Variants in FAM168A observed in about 807,000 individuals in gnomAD.
The protein encoded by FAM168A is protein FAM168A.
In FAM168A, 3 loss-of-function variants were observed where a neutral mutation model predicts 28.5. The ratio of observed to expected loss-of-function variants is 0.11; its 90% CI spans 0.05 to 0.27. The LOEUF is 0.27. Ranked by LOEUF, FAM168A falls within the 10% of genes least tolerant of loss-of-function variation. The pLI is 1.00. For synonymous variants in FAM168A, 122 were observed against 124.2 expected (o/e 0.98, Z 0.12); for missense variants, 222 against 311.5 (o/e 0.71, Z 2.16).
intron 4 of FAM168A, among the ~76,000 whole-genome samples, chr11:73,417,349 G>A (rs1040721666): frequency 6.6e-6 from 1 of 152,182 alleles, no homozygotes; most frequent in African/African-American, 2.4e-5. Flanking sequence ...AGGTTACACA[G>A]AACCCAGTCT....
chr11:73,406,011 G>A lies in FAM168A; in HGVS notation c.*752C>T, dbSNP rs1302988006. On this transcript the variant is annotated 3_prime_UTR_variant, in exon 8 of 8. Coordinates refer to ENST00000356467, the MANE Select transcript of FAM168A (RefSeq NM_015159.3). Reference sequence around the variant, plus strand: ...GTTAACATCACTGTGCAAATCAGAAGGTCCAGGGCCAGATGCTTTGGCCAG... The same window carrying A: ...GTTAACATCACTGTGCAAATCAGAAAGTCCAGGGCCAGATGCTTTGGCCAG... The A allele has an allele frequency of 1.3e-5, 2 of 152,632 alleles. No individual in the cohort carries two copies. The highest frequency in any genetic ancestry group is 4.8e-5 in the African/African-American group (2 of 41,430). 9.5% of individuals were successfully genotyped at this position (152,632 alleles called of 1,614,324 possible). A position where few individuals can be genotyped will look rare whatever the true frequency, so the allele number is the denominator to read the frequency against.
intron 2 of FAM168A, among the ~76,000 whole-genome samples, chr11:73,455,792 A>T (rs1325514540): frequency 6.6e-6 from 1 of 152,214 alleles, no homozygotes; most frequent in Non-Finnish European, 1.5e-5. Flanking sequence ...CTGGATGCCT[A>T]ATCTATAAAA....
intron 1 of FAM168A, among the ~76,000 whole-genome samples, chr11:73,524,141 T>C (rs1261878244): frequency 6.6e-6 from 1 of 152,230 alleles, no homozygotes; most frequent in African/African-American, 2.4e-5. Context: ...AATACTGCTT[T>C]TGAGAAATCA....
intron 1 of FAM168A, among the ~76,000 whole-genome samples, chr11:73,476,877 A>G (rs1257591817): frequency 6.6e-6 from 1 of 152,168 alleles, no homozygotes; most frequent in African/African-American, 2.4e-5. Flanking sequence ...ACAGAGCAAT[A>G]GAAGTTATAC....
At chr11:73,457,735 AAAAAAAAAAAAAAAAG>A (rs1210454667) in intron 2 of FAM168A, among the ~76,000 whole-genome samples, 1 of 137,432 alleles carries the variant, frequency 7.3e-6, no homozygotes, top group African/African-American at 3.1e-5. Context: ...AAAAAAAAAA[AAAAAAAAAAAAAAAAG>A]AAAAGAAAAG....
At chr11:73,597,005 T>C (rs1348098981) in intron 1 of FAM168A, among the ~76,000 whole-genome samples, 1 of 152,190 alleles carries the variant, frequency 6.6e-6, no homozygotes, top group African/African-American at 2.4e-5. Context: ...TGATGTTTTA[T>C]GTGCCCTCTG....
At position 73,489,435 on chromosome 11, in the gene FAM168A, C is replaced by T. The variant is rs548836553; in HGVS notation, c.-18-20943G>A. 2.6e-5 allele frequency among the ~76,000 whole-genome samples: 4 copies of T among 152,010 alleles called. No homozygotes were observed. The South Asian group carries it at 8.3e-4, about 31-fold the overall frequency. ...GCTAAAACTAGTGGTCAATTTTCAA[C>T]CCTCATCTTACTTGACATGTCAGCA... On this transcript the variant is annotated intron_variant, in intron 1 of 7. Transcript: ENST00000356467.
At chr11:73,418,261 T>C (rs749837657) in intron 4 of FAM168A, among the ~76,000 whole-genome samples, 2 of 152,178 alleles carry the variant, frequency 1.3e-5, no homozygotes, top group Non-Finnish European at 2.9e-5. Context: ...AGGTACTGGA[T>C]CACAGAGGTA....
chr11:73,457,741 A>G (rs1188795418), intron 2 of FAM168A, among the ~76,000 whole-genome samples: 2 of 139,854 alleles, frequency 1.4e-5, no homozygotes, highest in East Asian at 1.9e-4. Flanking sequence ...AAAAAAAAAA[A>G]AAAAAAAAAG....
intron 4 of FAM168A, among the ~76,000 whole-genome samples, chr11:73,418,051 T>C (rs747675597): frequency 6.6e-6 from 1 of 152,180 alleles, no homozygotes; most frequent in African/African-American, 2.4e-5. Flanking sequence ...GAGTGTAATG[T>C]AGATTAAATG....
chr11:73,571,743 C>G (rs1227046478), intron 1 of FAM168A, among the ~76,000 whole-genome samples: 1 of 151,392 alleles, frequency 6.6e-6, no homozygotes, highest in Admixed American at 6.6e-5. Context: ...GCCTGGCTGC[C>G]CAGTCTGGAA....
intron 1 of FAM168A, among the ~76,000 whole-genome samples, 197 bp downstream of exon 1, chr11:73,597,726 C>A (rs1397239988): frequency 7.8e-6 from 1 of 128,118 alleles, no homozygotes; most frequent in Non-Finnish European, 1.9e-5. Flanking sequence ...GCCCCCCAAC[C>A]TGCTTGGGTC....
At chr11:73,553,827 A>G (rs1178435702) in intron 1 of FAM168A, among the ~76,000 whole-genome samples, 1 of 151,714 alleles carries the variant, frequency 6.6e-6, no homozygotes, top group Non-Finnish European at 1.5e-5. Flanking sequence ...AATAAAAATA[A>G]AATTAAAAAA....
At chr11:73,568,920 T>C (rs1353970249) in intron 1 of FAM168A, among the ~76,000 whole-genome samples, 1 of 152,082 alleles carries the variant, frequency 6.6e-6, no homozygotes, top group Non-Finnish European at 1.5e-5. Flanking sequence ...ACTGAAAAAC[T>C]AATTTGCCAC....
At chr11:73,407,189 T>G (rs765483258) in intron 7 of FAM168A, among the ~76,000 whole-genome samples, 1 of 152,234 alleles carries the variant, frequency 6.6e-6, no homozygotes, top group Non-Finnish European at 1.5e-5. Context: ...TTTTACTGGC[T>G]AAGTGATATT....
intron 1 of FAM168A, among the ~76,000 whole-genome samples, chr11:73,513,376 A>ATT (rs575007954): frequency 7.0e-6 from 1 of 142,990 alleles, no homozygotes. Context: ...TGCCCAGCTA[A>ATT]TTTTTTTTTT....
intron 1 of FAM168A, among the ~76,000 whole-genome samples, chr11:73,542,275 A>G (rs1196722618): frequency 6.6e-6 from 1 of 152,224 alleles, no homozygotes; most frequent in Non-Finnish European, 1.5e-5. Context: ...TAACCATTGT[A>G]AAAATGTAAT....
intron 2 of FAM168A, among the ~76,000 whole-genome samples, chr11:73,447,013 CG>C (rs1319316626): frequency 2.0e-5 from 3 of 152,192 alleles, no homozygotes; most frequent in Non-Finnish European, 4.4e-5. Context: ...CTTGCCACGC[CG>C]GGTCTGGCAT....
In FAM168A at chr11:73,595,465, G is replaced by A. The variant is rs1370432345; in HGVS notation, c.-19+2458C>T. On this transcript the variant is annotated intron_variant, in intron 1 of 7. Transcript: ENST00000356467. ...GAACAAAAATAAAAAGAATTATTTC[G>A]ATCCCAATGGTGCCAATTTTATCTT... Among the ~76,000 whole-genome samples the A allele has an allele frequency of 3.3e-5, 5 of 152,106 alleles. No individual in the cohort carries two copies. In the South Asian group the frequency reaches 6.2e-4, roughly 19 times the overall value.
Sources: allele counts gnomAD v4.1 joint callset (sites outside exome capture counted in the v4.1 genomes callset), GRCh38; gene constraint gnomAD v4.1.1; transcripts MANE v1.5; gene names NCBI Gene and HGNC (gene_info 2026-07-23, HGNC 2026-07-21).